The following RPH3A variants were observed in gnomAD, a reference collection of about 807,000 sequenced individuals.
The protein encoded by RPH3A is rabphilin-3A.
RPH3A carries 48 observed loss-of-function variants against 102.2 expected under a neutral mutation model. The ratio of observed to expected loss-of-function variants is 0.47; its 90% CI spans 0.37 to 0.60. RPH3A has a LOEUF of 0.60. Among genes scored for constraint, RPH3A ranks in the 20% least tolerant of loss-of-function variants. RPH3A has a pLI of 0.00. For missense variants in RPH3A, 781 were observed against 910.1 expected (o/e 0.86, Z 1.83); for synonymous variants, 310 against 324.3 (o/e 0.96, Z 0.47).
intron 2 of RPH3A, among the ~76,000 whole-genome samples, chr12:112,821,245 A>C (rs1011910390): frequency 3.3e-5 from 5 of 152,204 alleles, no homozygotes; most frequent in African/African-American, 9.7e-5. Flanking sequence ...TCCTTGTCAT[A>C]GTAAGGGTTT....
At chr12:112,725,961 A>G (rs11066390) in intron 1 of RPH3A, among the ~76,000 whole-genome samples, 115,098 of 151,308 alleles carry the variant, frequency 0.76, 44,334 homozygotes, top group East Asian at 0.89. Flanking sequence ...ACGCCCGGCT[A>G]ATTTGTTGTG....
intron 1 of RPH3A, among the ~76,000 whole-genome samples, chr12:112,654,137 T>C (rs2039994835): frequency 6.6e-6 from 1 of 152,200 alleles, no homozygotes; most frequent in Admixed American, 6.5e-5. Context: ...TGGCTGAGGC[T>C]CTTGAGGAGA....
chr12:112,846,220 C>T (rs778796147), intron 4 of RPH3A, among the ~76,000 whole-genome samples: 15 of 152,214 alleles, frequency 9.9e-5, no homozygotes, highest in Non-Finnish European at 1.8e-4. Context: ...AGTATCTTCG[C>T]AATGTTGTGC....
intron 1 of RPH3A, among the ~76,000 whole-genome samples, chr12:112,665,172 C>T (rs1205106401): frequency 6.6e-6 from 1 of 152,140 alleles, no homozygotes; most frequent in African/African-American, 2.4e-5. Context: ...CCCAAATAAA[C>T]GATCTGTACC....
intron 20 of RPH3A, chr12:112,895,269 A>T (rs1669733961): frequency 6.5e-6 from 1 of 153,424 alleles, no homozygotes; most frequent in Non-Finnish European, 1.4e-5. Flanking sequence ...TGCCTGGCTA[A>T]TTTTTGTATT....
At chr12:112,844,961 G>A (rs1192092736) in intron 4 of RPH3A, among the ~76,000 whole-genome samples, 2 of 152,202 alleles carry the variant, frequency 1.3e-5, no homozygotes, top group Non-Finnish European at 2.9e-5. Flanking sequence ...CTGTTGGCTG[G>A]GGGCCTCAGT....
At chr12:112,631,341 G>A (rs980966843) in intron 1 of RPH3A, among the ~76,000 whole-genome samples, 3 of 151,996 alleles carry the variant, frequency 2.0e-5, no homozygotes, top group East Asian at 1.9e-4. Flanking sequence ...AATCCTCATC[G>A]GCAATTTCTG....
chr12:112,861,583 T>A (rs1417671055), intron 5 of RPH3A, among the ~76,000 whole-genome samples: 1 of 152,214 alleles, frequency 6.6e-6, no homozygotes, highest in East Asian at 1.9e-4. Context: ...ACTGCCTGGG[T>A]CTGAGTCCCA....
At chr12:112,662,979 C>T (rs150460841) in intron 1 of RPH3A, among the ~76,000 whole-genome samples, 81 of 150,378 alleles carry the variant, frequency 5.4e-4, no homozygotes, top group African/African-American at 1.9e-3. Flanking sequence ...GGTTTCTAAG[C>T]TAGAAGAATA....
chr12:112,628,633 A>G (rs1396847984), intron 1 of RPH3A, among the ~76,000 whole-genome samples: 1 of 139,192 alleles, frequency 7.2e-6, no homozygotes. Flanking sequence ...GGTGGTGCAT[A>G]TCTGTAGTCC....
At chr12:112,762,746 G>A (rs1356081736) in intron 1 of RPH3A, among the ~76,000 whole-genome samples, 1 of 152,166 alleles carries the variant, frequency 6.6e-6, no homozygotes, top group African/African-American at 2.4e-5. Flanking sequence ...TAGGGGCAAG[G>A]TGATCAACTG....
chr12:112,739,946 C>A (rs913438155), intron 1 of RPH3A, among the ~76,000 whole-genome samples: 1 of 152,114 alleles, frequency 6.6e-6, no homozygotes, highest in East Asian at 1.9e-4. Context: ...CCCTTCATCC[C>A]CCCCCAGCCT....
intron 1 of RPH3A, among the ~76,000 whole-genome samples, chr12:112,602,935 G>A (rs2039569805): frequency 6.6e-6 from 1 of 152,200 alleles, no homozygotes; most frequent in Admixed American, 6.5e-5. Flanking sequence ...AGTTTTAAGT[G>A]ATATGGGAGC....
intron 1 of RPH3A, among the ~76,000 whole-genome samples, chr12:112,652,883 T>C (rs891338313): frequency 6.6e-6 from 1 of 152,180 alleles, no homozygotes; most frequent in East Asian, 1.9e-4. Flanking sequence ...GGTGATTTCG[T>C]TGTCATTTGA....
intron 1 of RPH3A, among the ~76,000 whole-genome samples, chr12:112,727,493 ACCC>A (rs759135458): frequency 2.4e-5 from 1 of 41,622 alleles, no homozygotes; most frequent in Non-Finnish European, 4.5e-5. Flanking sequence ...ACACACACAG[ACCC>A]CCCCCCCCCA....
intron 1 of RPH3A, among the ~76,000 whole-genome samples, chr12:112,604,359 T>C (rs571810429): frequency 6.6e-6 from 1 of 152,296 alleles, no homozygotes; most frequent in African/African-American, 2.4e-5. Flanking sequence ...CTTTTTTCCA[T>C]GTTATAAAAG....
chr12:112,608,907 C>T (rs1209236398), intron 1 of RPH3A, among the ~76,000 whole-genome samples: 5 of 152,100 alleles, frequency 3.3e-5, no homozygotes, highest in African/African-American at 1.2e-4. Flanking sequence ...CTTTAAAATG[C>T]TCCAGGAACT....
chr12:112,796,426 T>C (rs965026144), intron 2 of RPH3A, among the ~76,000 whole-genome samples: 10 of 152,290 alleles, frequency 6.6e-5, no homozygotes, highest in African/African-American at 2.4e-4. Context: ...ATTTCTGGTG[T>C]CCGGGTCAGC....
intron 5 of RPH3A, among the ~76,000 whole-genome samples, chr12:112,862,697 C>T (rs971196120): frequency 3.9e-5 from 6 of 152,142 alleles, no homozygotes; most frequent in African/African-American, 7.2e-5. Context: ...TGGGTCACAG[C>T]GGAGGCTCCA....
Sources: gnomAD v4.1 joint callset for allele counts (sites outside exome capture counted in the v4.1 genomes callset) on GRCh38, gnomAD v4.1.1 for gene constraint, MANE v1.5 for transcripts, NCBI Gene and HGNC (gene_info 2026-07-23, HGNC 2026-07-21) for gene names.